GFPT2: variants seen among roughly 807,000 people sequenced by gnomAD.
The protein encoded by GFPT2 is glutamine--fructose-6-phosphate transaminase 2, also known as glutamine--fructose-6-phosphate aminotransferase [isomerizing] 2.
A neutral mutation model predicts 85.6 loss-of-function variants in GFPT2; 62 were observed. That is an observed-to-expected ratio of 0.72 (90% CI 0.59 to 0.90). The LOEUF (loss-of-function observed/expected upper bound fraction) is 0.90. Ranked by LOEUF, GFPT2 falls within the 40% of genes least tolerant of loss-of-function variation. The probability of loss-of-function intolerance (pLI) is 0.00; values close to 1 mark genes in which losing one functional copy is unlikely to be tolerated. For synonymous variants in GFPT2, 368 were observed against 344.5 expected, an observed-to-expected ratio of 1.07 and a Z score of -0.75; for missense variants, 788 against 893.4, an observed-to-expected ratio of 0.88 and a Z score of 1.50.
At position 180,301,525 on chromosome 5, in the gene GFPT2, C is replaced by A; in HGVS notation, c.*39G>T. 6.5e-7 allele frequency: 1 copy of A among 1,546,030 alleles called. No individual in the cohort carries two copies. Among genetic ancestry groups the A allele is most frequent in the Non-Finnish European group, 8.9e-7 (1 of 1,117,768 alleles). Reference sequence around the variant, plus strand: ...CCTGCTGTTGGGACAGGTCTGGAATCAGATGAAAGGTGGTGATGGTCTTGT... The same window carrying A: ...CCTGCTGTTGGGACAGGTCTGGAATAAGATGAAAGGTGGTGATGGTCTTGT... On this transcript the variant is annotated 3_prime_UTR_variant, in exon 19 of 19. Transcript: ENST00000253778.
chr5:180,302,521 T>C lies in GFPT2; in HGVS notation c.1906A>G (p.Ile636Val), dbSNP rs773429051. The change falls in exon 18 of 19, where the codon ATT becomes GTT. Residue 636 changes from isoleucine to valine, a missense_variant. Ile to Val is a conservative substitution (Grantham distance 29, BLOSUM62 3). Transcript: ENST00000253778. ...CAGTCCACAGTGTGGGGCAGCTCAA[T>C]TGTCTTATACGCAAACTTGGAACTT... is the stretch of plus-strand genomic sequence containing the variant. ...TESSKFAYKT[I>V]ELPHTVDCLQ... 7.4e-5 allele frequency: 120 copies of C among 1,613,934 alleles called. No homozygotes were observed. The highest frequency in any genetic ancestry group is 9.2e-5 in the Non-Finnish European group (109 of 1,179,930).
intron 4 of GFPT2, among the ~76,000 whole-genome samples, chr5:180,334,046 A>G (rs2127654838): frequency 6.6e-6 from 1 of 152,352 alleles, no homozygotes; most frequent in African/African-American, 2.4e-5. Flanking sequence ...GGCTCTGGCC[A>G]GATGTACATT....
chr5:180,309,682 G>A (rs1763841301), intron 15 of GFPT2, among the ~76,000 whole-genome samples: 1 of 152,164 alleles, frequency 6.6e-6, no homozygotes, highest in African/African-American at 2.4e-5. Context: ...AAAGTGCTGG[G>A]ATTACAGGCA....
intron 4 of GFPT2, among the ~76,000 whole-genome samples, chr5:180,332,657 C>T (rs1168862294): frequency 6.6e-6 from 1 of 152,154 alleles, no homozygotes; most frequent in African/African-American, 2.4e-5. Flanking sequence ...CCTGCCTCAG[C>T]CTCCCAAGTA....
intron 9 of GFPT2, among the ~76,000 whole-genome samples, chr5:180,322,884 A>C (rs995174637): frequency 1.3e-5 from 2 of 151,924 alleles, no homozygotes; most frequent in African/African-American, 4.8e-5. Context: ...AAAATACAAA[A>C]AATTAGCCGG....
intron 16 of GFPT2, among the ~76,000 whole-genome samples, chr5:180,306,858 T>G (rs1017026328): frequency 6.6e-6 from 1 of 152,166 alleles, no homozygotes; most frequent in African/African-American, 2.4e-5. Flanking sequence ...AAGCAGCTCA[T>G]GAGGTCTGAG....
intron 2 of GFPT2, among the ~76,000 whole-genome samples, chr5:180,336,938 G>C (rs1764413601): frequency 1.3e-5 from 2 of 152,248 alleles, no homozygotes; most frequent in Admixed American, 1.3e-4. Flanking sequence ...ATATTTCGTT[G>C]GTATCTCCAC....
At chr5:180,324,166 G>A (rs758398985) in intron 9 of GFPT2, 22 bp downstream of exon 9, 25 of 1,273,806 alleles carry the variant, frequency 2.0e-5, no homozygotes, top group Middle Eastern at 1.8e-4. Flanking sequence ...CCCAGGAAGC[G>A]AAGAGAAGAA....
Position 180,318,369 on chromosome 5 carries a change from G to T in GFPT2, c.958+424C>A, listed in dbSNP as rs544948709. On this transcript the variant is annotated intron_variant, in intron 10 of 18. Coordinates refer to ENST00000253778, the MANE Select transcript of GFPT2 (RefSeq NM_005110.4). The surrounding 1 kb of genome is among the most constrained non-coding windows in gnomAD (Gnocchi z 4.2). ...AGACGTTTGCTCAGGCTGCCCTGTG[G>T]GGTAGAGGTTGTAAGGGGACAGAAA... Among the ~76,000 whole-genome samples the T allele has an allele frequency of 2.6e-5, 4 of 152,266 alleles. No individual in the cohort carries two copies. The South Asian group carries it at 8.3e-4, about 32-fold the overall frequency.
chr5:180,320,536 A>C (rs1442031658), intron 9 of GFPT2, among the ~76,000 whole-genome samples: 1 of 151,972 alleles, frequency 6.6e-6, no homozygotes. Context: ...ACTTTGGGAG[A>C]CCAAGGCGGG....
At position 180,324,313 on chromosome 5, in the gene GFPT2, A is replaced by G. The variant is rs369885439; in HGVS notation, c.677-8T>C. ...TCACATTCTCCAGAGTGCCTAGCAA[A>G]TGGAGGAATGGGTTGCAAATCCCAC... is the stretch of plus-strand genomic sequence containing the variant. On this transcript the variant is annotated splice_region_variant and splice_polypyrimidine_tract_variant and intron_variant, in intron 8 of 18. Transcript: ENST00000253778. 125 of 1,438,796 alleles carry G rather than the reference A, an allele frequency of 8.7e-5. No individual in the cohort carries two copies. In the African/African-American group the frequency reaches 1.3e-3, roughly 15 times the overall value. 89.1% of individuals were successfully genotyped at this position (1,438,796 alleles called of 1,614,324 possible).
At chr5:180,335,097 A>G (rs12652060) in intron 4 of GFPT2, among the ~76,000 whole-genome samples, 122,815 of 152,252 alleles carry the variant, frequency 0.81, 49,938 homozygotes, top group African/African-American at 0.89. Flanking sequence ...CAGGTGCAGC[A>G]ACCTTGGCCC....
rs1361327120 is a variant in GFPT2 at position 180,318,512 on chromosome 5, C to T, written c.958+281G>A. On this transcript the variant is annotated intron_variant, in intron 10 of 18. Transcript: ENST00000253778. This position sits in a 1 kb window ranked among gnomAD's most constrained non-coding sequence, Gnocchi z 4.2. ...ATGATGCCTGAGGGTGGGCATGTGT[C>T]CCGCGGAGTCGGTGAAGGAAGGCAG... is the stretch of plus-strand genomic sequence containing the variant. 2.4e-6 allele frequency: 1 copy of T among 425,410 alleles called. No individual in the cohort carries two copies. Among genetic ancestry groups the T allele is most frequent in the Non-Finnish European group, 4.4e-6 (1 of 229,662 alleles). 26.4% of individuals were successfully genotyped at this position (425,410 alleles called of 1,614,324 possible).
intron 4 of GFPT2, among the ~76,000 whole-genome samples, chr5:180,333,492 C>T (rs577562482): frequency 2.6e-5 from 4 of 152,350 alleles, no homozygotes; most frequent in African/African-American, 9.6e-5. Flanking sequence ...CCTCGGCCTC[C>T]CAAAGTGCTG....
chr5:180,321,944 C>T (rs1157150710), intron 9 of GFPT2, among the ~76,000 whole-genome samples: 5 of 151,992 alleles, frequency 3.3e-5, no homozygotes, highest in African/African-American at 4.8e-5. Context: ...CCACCACGCC[C>T]GGCTGATTTT....
At chr5:180,329,102 A>G (rs972574672) in intron 6 of GFPT2, among the ~76,000 whole-genome samples, 3 of 152,174 alleles carry the variant, frequency 2.0e-5, no homozygotes, top group Non-Finnish European at 2.9e-5. Context: ...ATCCTGTACT[A>G]ACTTACCGCA....
At chr5:180,321,721 C>T (rs1764123872) in intron 9 of GFPT2, among the ~76,000 whole-genome samples, 1 of 152,240 alleles carries the variant, frequency 6.6e-6, no homozygotes, top group Non-Finnish European at 1.5e-5. Flanking sequence ...GAATCACTTC[C>T]TGAAGTTCCA....
In GFPT2 at chr5:180,313,796, G is replaced by T. The variant is rs770206756; in HGVS notation, c.1431+11C>A. On this transcript the variant is annotated intron_variant, in intron 14 of 18. Coordinates refer to ENST00000253778, the MANE Select transcript of GFPT2 (RefSeq NM_005110.4). ...GCTCTCCCTGGGACGGGCGCCCGTG[G>T]CTCCTCCTACCTTGGTGCTGGCCAC... 14 of 1,540,986 alleles carry T rather than the reference G, an allele frequency of 9.1e-6. No homozygotes were observed. The highest frequency in any genetic ancestry group is 1.4e-5 in the African/African-American group (1 of 73,170).
At chr5:180,335,358 C>G (rs1294182935) in intron 4 of GFPT2, among the ~76,000 whole-genome samples, 1 of 152,212 alleles carries the variant, frequency 6.6e-6, no homozygotes, top group Non-Finnish European at 1.5e-5. Flanking sequence ...TGTCTGGTGG[C>G]ACCAATCAAG....
Sources: gnomAD v4.1 joint callset for allele counts (sites outside exome capture counted in the v4.1 genomes callset) on GRCh38, gnomAD v4.1.1 for gene constraint, Gnocchi (gnomAD v3.1) non-coding constraint, MANE v1.5 for transcripts, NCBI Gene and HGNC (gene_info 2026-07-23, HGNC 2026-07-21) for gene names.